Variants in SCAI observed in about 807,000 individuals in gnomAD.
SCAI encodes suppressor of cancer cell invasion.
A neutral mutation model predicts 92.2 loss-of-function variants in SCAI; 24 were observed. The observed-to-expected ratio is 0.26, with a 90% CI of 0.19 to 0.37. The LOEUF is 0.37. SCAI is among the 10% of genes least tolerant of loss of function. SCAI has a pLI of 1.00. For missense variants in SCAI, 450 were observed against 736.2 expected (o/e 0.61, Z 4.50); for synonymous variants, 261 against 258.6 (o/e 1.01, Z -0.09).
intron 2 of SCAI, among the ~76,000 whole-genome samples, chr9:125,068,515 C>CA (rs377610800): frequency 2.0e-5 from 3 of 151,412 alleles, no homozygotes; most frequent in African/African-American, 7.3e-5. Flanking sequence ...ACAACAACAA[C>CA]AAAAAAATAC....
At position 124,944,121 on chromosome 9, in the gene SCAI, G is replaced by A. The variant is rs1002006362; in HGVS notation, c.*8686C>T. On this transcript the variant is annotated 3_prime_UTR_variant, in exon 18 of 18. Coordinates refer to ENST00000336505, the MANE Select transcript of SCAI (RefSeq NM_001144877.3). ...GAACAGCAAGGTTTATTAAAAATAA[G>A]CAAAAAAGTTGGAGAACTAGCCATA... The A allele has an allele frequency of 6.6e-6, 1 of 152,014 alleles. No individual in the cohort carries two copies. Among genetic ancestry groups the A allele is most frequent in the Non-Finnish European group, 1.5e-5 (1 of 67,970 alleles). 9.4% of individuals were successfully genotyped at this position (152,014 alleles called of 1,614,324 possible). A position where few individuals can be genotyped will look rare whatever the true frequency, so the allele number is the denominator to read the frequency against.
At chr9:124,961,128 TAA>T (rs11382746) in intron 17 of SCAI, among the ~76,000 whole-genome samples, 34 of 119,756 alleles carry the variant, frequency 2.8e-4, no homozygotes, top group Non-Finnish European at 3.1e-4. Context: ...TGTCTCAAAT[TAA>T]AAAAAAAAAA....
At chr9:125,067,742 T>C (rs2131156461) in intron 2 of SCAI, among the ~76,000 whole-genome samples, 1 of 152,342 alleles carries the variant, frequency 6.6e-6, no homozygotes, top group South Asian at 2.1e-4. Context: ...TTTCATTTGT[T>C]ACAGCAGGCC....
At chr9:125,032,189 A>ATTTTTTT (rs1440287800) in intron 3 of SCAI, among the ~76,000 whole-genome samples, 1 of 81,304 alleles carries the variant, frequency 1.2e-5, no homozygotes, top group African/African-American at 5.9e-5. Flanking sequence ...ATATATATAT[A>ATTTTTTT]TATATATTTT....
At chr9:125,096,838 T>G (rs995600181) in intron 2 of SCAI, among the ~76,000 whole-genome samples, 13 of 152,216 alleles carry the variant, frequency 8.5e-5, no homozygotes, top group African/African-American at 2.4e-4. Context: ...GAAAATGAAA[T>G]TATATGATAT....
chr9:125,078,267 C>G (rs893272977), intron 2 of SCAI, among the ~76,000 whole-genome samples: 3 of 152,106 alleles, frequency 2.0e-5, no homozygotes, highest in Non-Finnish European at 4.4e-5. Flanking sequence ...TGGCTCACAT[C>G]TGTAATCCCA....
intron 3 of SCAI, among the ~76,000 whole-genome samples, chr9:125,049,852 A>T (rs41422453): frequency 6.6e-6 from 1 of 152,202 alleles, no homozygotes; most frequent in African/African-American, 2.4e-5. Flanking sequence ...TGAGTTAAAA[A>T]GTCCAAGTAA....
At chr9:125,139,746 G>A (rs774079037) in intron 2 of SCAI, among the ~76,000 whole-genome samples, 3 of 152,156 alleles carry the variant, frequency 2.0e-5, no homozygotes, top group Admixed American at 1.3e-4. Flanking sequence ...TTACAAGATC[G>A]ATTTGCACAG....
chr9:125,126,849 A>G (rs1835290557), intron 2 of SCAI, among the ~76,000 whole-genome samples: 3 of 152,196 alleles, frequency 2.0e-5, no homozygotes. Context: ...AGTTATTAAG[A>G]CATCAATGGA....
chr9:125,002,499 T>TTTTTTTTTTTTTTTTTTTTTTAA (rs1554779235), intron 11 of SCAI, among the ~76,000 whole-genome samples: 1 of 147,220 alleles, frequency 6.8e-6, no homozygotes, highest in African/African-American at 2.6e-5. Flanking sequence ...TTTTTTTTTT[T>TTTTTTTTTTTTTTTTTTTTTTAA]GAAACAGAGT....
chr9:125,033,134 C>A (rs1024913282), intron 3 of SCAI, among the ~76,000 whole-genome samples: 85 of 151,334 alleles, frequency 5.6e-4, no homozygotes, highest in Non-Finnish European at 1.2e-4. Context: ...GAGGCTGAGG[C>A]GGAAAGATTG....
Position 125,016,083 on chromosome 9 carries a change from A to T in SCAI, c.861+2716T>A, listed in dbSNP as rs868137771. Among the ~76,000 whole-genome samples the T allele has an allele frequency of 5.3e-5, 8 of 150,770 alleles. 1 individual carries two copies. In the South Asian group the frequency reaches 1.7e-3, roughly 32 times the overall value. The stretch of plus-strand genomic sequence containing the variant: ...TTTAGGAGATATACCGAATGCTAAA[A>T]GACGAGTTAATGGGTGCAGCACACC... On this transcript the variant is annotated intron_variant, in intron 9 of 17. Coordinates refer to ENST00000336505, the MANE Select transcript of SCAI (RefSeq NM_001144877.3).
At chr9:125,127,296 A>G (rs544294844) in intron 2 of SCAI, among the ~76,000 whole-genome samples, 1 of 152,294 alleles carries the variant, frequency 6.6e-6, no homozygotes, top group Admixed American at 6.5e-5. Flanking sequence ...TCAAAAGCCT[A>G]TTAGAGTCTC....
chr9:125,045,211 A>G (rs1833410175), intron 3 of SCAI, among the ~76,000 whole-genome samples: 1 of 152,070 alleles, frequency 6.6e-6, no homozygotes, highest in South Asian at 2.1e-4. Flanking sequence ...ATTTTTAGAC[A>G]TGCACCACCA....
intron 11 of SCAI, among the ~76,000 whole-genome samples, 193 bp from the exon 12 acceptor site, chr9:125,002,236 T>G (rs1588143857): frequency 6.6e-6 from 1 of 152,184 alleles, no homozygotes; most frequent in East Asian, 1.9e-4. Context: ...TTAATCTATA[T>G]TGTCAAAAGT....
intron 9 of SCAI, among the ~76,000 whole-genome samples, chr9:125,009,382 G>A (rs1832583526): frequency 6.6e-6 from 1 of 152,134 alleles, no homozygotes; most frequent in Admixed American, 6.5e-5. Context: ...CAATTCTCCT[G>A]CCTCAGCCTC....
chr9:125,130,680 A>ATT (rs151026621), intron 2 of SCAI, among the ~76,000 whole-genome samples: 1 of 141,376 alleles, frequency 7.1e-6, no homozygotes, highest in Non-Finnish European at 1.6e-5. Flanking sequence ...ATCCCGGCTA[A>ATT]TTTTTTTTTT....
chr9:125,140,046 C>T (rs1340826590), intron 2 of SCAI, among the ~76,000 whole-genome samples: 1 of 151,332 alleles, frequency 6.6e-6, no homozygotes, highest in African/African-American at 2.4e-5. Context: ...CACAGTGAGA[C>T]CCTGTCTCTT....
At chr9:125,066,943 C>T (rs1023083867) in intron 2 of SCAI, among the ~76,000 whole-genome samples, 1 of 152,082 alleles carries the variant, frequency 6.6e-6, no homozygotes, top group Non-Finnish European at 1.5e-5. Flanking sequence ...CAGGCTATAC[C>T]GTGAAGCCTA....
Sources: gnomAD v4.1 joint callset for allele counts (sites outside exome capture counted in the v4.1 genomes callset) on GRCh38, gnomAD v4.1.1 for gene constraint, MANE v1.5 for transcripts, NCBI Gene and HGNC (gene_info 2026-07-23, HGNC 2026-07-21) for gene names.